The following HMGCLL1 variants were observed in gnomAD, a reference collection of about 807,000 sequenced individuals.
The protein encoded by HMGCLL1 is 3-hydroxy-3-methylglutaryl-CoA lyase like 1.
A neutral mutation model predicts 39.1 loss-of-function variants in HMGCLL1; 36 were observed. That is an observed-to-expected ratio of 0.92 (90% confidence interval 0.71 to 1.22). The LOEUF (loss-of-function observed/expected upper bound fraction) is 1.22, where lower values mean the gene tolerates loss of function less well. HMGCLL1 is among the 50% of genes most tolerant of loss of function. The pLI, the probability that HMGCLL1 is intolerant of heterozygous loss-of-function variation, is 0.00. For missense variants in HMGCLL1, 451 were observed against 416.5 expected (o/e 1.08, Z -0.72); for synonymous variants, 149 against 144.0 (o/e 1.03, Z -0.25).
chr6:55,482,148 A>G (rs1025913588), intron 7 of HMGCLL1, among the ~76,000 whole-genome samples: 1 of 152,164 alleles, frequency 6.6e-6, no homozygotes, highest in African/African-American at 2.4e-5. Context: ...CATGACTTTA[A>G]GTAAGCAAAC....
chr6:55,652,658 T>C, the HMGCLL1 span, among the ~76,000 whole-genome samples: 2 of 152,128 alleles, frequency 1.3e-5, no homozygotes, highest in Non-Finnish European at 1.5e-5. Context: ...ACATTGTTCC[T>C]GTTTCACAGA....
intron 7 of HMGCLL1, among the ~76,000 whole-genome samples, chr6:55,449,993 A>G (rs754468893): frequency 2.6e-5 from 4 of 152,124 alleles, no homozygotes; most frequent in Non-Finnish European, 2.9e-5. Flanking sequence ...TCTCATCTTG[A>G]CTTATTCCAT....
At chr6:55,650,084 C>CATAT in the HMGCLL1 span, among the ~76,000 whole-genome samples, 3 of 48,042 alleles carry the variant, frequency 6.2e-5, no homozygotes, top group South Asian at 8.7e-4. Context: ...TATACACACA[C>CATAT]ATATACATAT....
intron 7 of HMGCLL1, among the ~76,000 whole-genome samples, chr6:55,456,721 G>A (rs908724567): frequency 1.1e-4 from 17 of 152,120 alleles, no homozygotes; most frequent in African/African-American, 4.1e-4. Context: ...CCATGGACAG[G>A]CCCAGCATGG....
At chr6:55,628,450 G>A in the HMGCLL1 span, among the ~76,000 whole-genome samples, 32 of 150,890 alleles carry the variant, frequency 2.1e-4, no homozygotes, top group Admixed American at 1.7e-3. Flanking sequence ...TTACAGGCAC[G>A]CATCACCACA....
chr6:55,676,826 A>T, the HMGCLL1 span, among the ~76,000 whole-genome samples: 9 of 152,234 alleles, frequency 5.9e-5, no homozygotes, highest in Non-Finnish European at 1.0e-4. Flanking sequence ...CAGTGTAGAA[A>T]CAGTTCAAAC....
chr6:55,608,771 C>T, the HMGCLL1 span, among the ~76,000 whole-genome samples: 1 of 152,192 alleles, frequency 6.6e-6, no homozygotes, highest in Non-Finnish European at 1.5e-5. Context: ...TTGAAAAGCA[C>T]GAATACTGGG....
intron 1 of HMGCLL1, among the ~76,000 whole-genome samples, chr6:55,543,181 A>AT (rs1554155922): frequency 1.4e-4 from 1 of 7,248 alleles, no homozygotes; most frequent in African/African-American, 2.7e-4. Flanking sequence ...TATAATATAT[A>AT]ATATATAATA....
the HMGCLL1 span, among the ~76,000 whole-genome samples, chr6:55,622,087 G>A: frequency 6.6e-6 from 1 of 151,922 alleles, no homozygotes; most frequent in African/African-American, 2.4e-5. Flanking sequence ...TTCATTGTTA[G>A]CATATAGAAA....
At chr6:55,640,599 G>A in the HMGCLL1 span, among the ~76,000 whole-genome samples, 13 of 151,850 alleles carry the variant, frequency 8.6e-5, no homozygotes, top group Non-Finnish European at 1.2e-4. Flanking sequence ...AGAAAGAAAG[G>A]AGAGAGTGAT....
In HMGCLL1 at chr6:55,541,769, A is replaced by C; in HGVS notation, c.257T>G (p.Ile86Arg). ...NRLSQTGLSV[I>R]EVTSFVSSRW... ...GGAAGACACAAAGCTAGTCACTTCT[A>C]TTACAGACAAGCCAGTTTGGGAAAG... Residue 86 changes from isoleucine to arginine, a missense_variant, in exon 3 of 9, where the codon ATA (isoleucine) becomes AGA (arginine). Physicochemically the swap from Ile to Arg is moderately conservative, Grantham distance 97. Transcript: ENST00000274901. 6.2e-7 allele frequency: 1 copy of C among 1,609,640 alleles called. No individual in the cohort carries two copies. Among genetic ancestry groups the C allele is most frequent in the Non-Finnish European group, 8.5e-7 (1 of 1,177,352 alleles).
chr6:55,654,397 T>C, the HMGCLL1 span, among the ~76,000 whole-genome samples: 1 of 151,574 alleles, frequency 6.6e-6, no homozygotes, highest in Admixed American at 6.6e-5. Flanking sequence ...GGACTTGAAG[T>C]CAAAATTTGA....
At chr6:55,556,200 C>CA (rs886472820) in intron 1 of HMGCLL1, among the ~76,000 whole-genome samples, 8 of 151,140 alleles carry the variant, frequency 5.3e-5, no homozygotes, top group African/African-American at 1.9e-4. Flanking sequence ...CAGACAATAG[C>CA]AAAAAACAAT....
intron 7 of HMGCLL1, among the ~76,000 whole-genome samples, chr6:55,489,040 T>C (rs1766184791): frequency 2.6e-5 from 4 of 152,002 alleles, no homozygotes; most frequent in Admixed American, 2.6e-4. Context: ...GTGATAATAG[T>C]TTATGTTCAG....
chr6:55,590,038 A>T, the HMGCLL1 span, among the ~76,000 whole-genome samples: 2 of 152,156 alleles, frequency 1.3e-5, no homozygotes, highest in Admixed American at 6.6e-5. Flanking sequence ...TCTTCACAGA[A>T]TTGAAAAAAA....
intron 3 of HMGCLL1, among the ~76,000 whole-genome samples, chr6:55,517,636 A>G (rs1561931627): frequency 6.6e-6 from 1 of 152,076 alleles, no homozygotes; most frequent in East Asian, 1.9e-4. Context: ...CAAACAAAAA[A>G]TGCTTTTTAA....
chr6:55,628,523 T>G, the HMGCLL1 span, among the ~76,000 whole-genome samples: 2 of 151,794 alleles, frequency 1.3e-5, no homozygotes, highest in East Asian at 3.9e-4. Context: ...AGGCTGGTCT[T>G]GAACACCTGA....
chr6:55,608,134 TA>T, the HMGCLL1 span, among the ~76,000 whole-genome samples: 1 of 152,200 alleles, frequency 6.6e-6, no homozygotes, highest in Non-Finnish European at 1.5e-5. Flanking sequence ...TCACTTCTTA[TA>T]TAGTTTATCC....
At chr6:55,647,994 C>T in the HMGCLL1 span, among the ~76,000 whole-genome samples, 1 of 117,118 alleles carries the variant, frequency 8.5e-6, no homozygotes, top group South Asian at 3.0e-4. Context: ...TGTTCAATTC[C>T]CACCTATGAG....
Sources: gnomAD v4.1 joint callset for allele counts (sites outside exome capture counted in the v4.1 genomes callset) on GRCh38, gnomAD v4.1.1 for gene constraint, MANE v1.5 for transcripts, NCBI Gene and HGNC (gene_info 2026-07-23, HGNC 2026-07-21) for gene names.